Variants in NRXN3 observed in about 807,000 individuals in gnomAD.
The protein encoded by NRXN3 is neurexin 3, also known as neurexin III.
A neutral mutation model predicts 137.6 loss-of-function variants in NRXN3; 32 were observed. The ratio of observed to expected loss-of-function variants is 0.23; its 90% CI spans 0.18 to 0.31. The LOEUF (loss-of-function observed/expected upper bound fraction) is 0.31, where lower values mean the gene tolerates loss of function less well. Among genes scored for constraint, NRXN3 ranks in the 10% least tolerant of loss-of-function variants. The pLI, the probability that NRXN3 is intolerant of heterozygous loss-of-function variation, is 1.00. For missense variants in NRXN3, 1,574 were observed against 2,062.5 expected (o/e 0.76, Z 4.59); for synonymous variants, 798 against 784.5 (o/e 1.02, Z -0.29).
intron 19 of NRXN3, among the ~76,000 whole-genome samples, chr14:79,787,094 T>G (rs1254737241): frequency 1.3e-5 from 2 of 152,206 alleles, no homozygotes; most frequent in Non-Finnish European, 2.9e-5. Context: ...ATATTTGACT[T>G]ACTTTAAACC....
chr14:78,709,871 A>C (rs569360132), intron 7 of NRXN3: 7 of 556,054 alleles, frequency 1.3e-5, no homozygotes, highest in African/African-American at 5.7e-5. Flanking sequence ...TCACTGCGCA[A>C]TTGTCTCAGT....
chr14:78,605,217 G>C (rs933839277), intron 4 of NRXN3, among the ~76,000 whole-genome samples: 1 of 152,084 alleles, frequency 6.6e-6, no homozygotes, highest in African/African-American at 2.4e-5. Flanking sequence ...GCTGTATTTT[G>C]ATGAGACAAC....
intron 16 of NRXN3, among the ~76,000 whole-genome samples, chr14:79,532,191 A>G (rs1162113943): frequency 6.6e-6 from 1 of 152,202 alleles, no homozygotes; most frequent in Non-Finnish European, 1.5e-5. Context: ...CATTTATAGC[A>G]TATATGGAGC....
intron 19 of NRXN3, among the ~76,000 whole-genome samples, chr14:79,763,155 A>ATGAT (rs1333729459): frequency 6.6e-6 from 1 of 151,430 alleles, no homozygotes; most frequent in Non-Finnish European, 1.5e-5. Context: ...TTTGCTGAAA[A>ATGAT]TGATGGTTTC....
chr14:78,569,885 C>T (rs755387822), intron 4 of NRXN3, among the ~76,000 whole-genome samples: 31 of 152,340 alleles, frequency 2.0e-4, no homozygotes, highest in East Asian at 7.7e-4. Context: ...GCTGCGACTA[C>T]GGGCTTGCAC....
At chr14:78,984,662 T>C (rs994853589) in intron 14 of NRXN3, among the ~76,000 whole-genome samples, 32 of 152,308 alleles carry the variant, frequency 2.1e-4, no homozygotes, top group African/African-American at 7.7e-4. Flanking sequence ...GGAGGGCTTG[T>C]TACAACTCAG....
At chr14:78,753,389 T>A (rs746139941) in intron 8 of NRXN3, among the ~76,000 whole-genome samples, 5 of 152,182 alleles carry the variant, frequency 3.3e-5, no homozygotes, top group African/African-American at 1.2e-4. Context: ...ACTGCTCTGG[T>A]TTTTGGCTAT....
intron 8 of NRXN3, among the ~76,000 whole-genome samples, chr14:78,751,069 C>G (rs1163145431): frequency 6.6e-6 from 1 of 152,172 alleles, no homozygotes; most frequent in Non-Finnish European, 1.5e-5. Context: ...CTCTCTGAAG[C>G]CTCTTAGATA....
intron 19 of NRXN3, among the ~76,000 whole-genome samples, chr14:79,722,009 C>A (rs1300958992): frequency 6.6e-6 from 1 of 152,082 alleles, no homozygotes; most frequent in Non-Finnish European, 1.5e-5. Context: ...TCAGACATTA[C>A]AGATTTTATA....
chr14:79,240,282 A>G (rs2074064352), intron 15 of NRXN3, among the ~76,000 whole-genome samples: 1 of 152,052 alleles, frequency 6.6e-6, no homozygotes, highest in Non-Finnish European at 1.5e-5. Context: ...ATGCAAATGT[A>G]TTCCTTATAG....
intron 16 of NRXN3, among the ~76,000 whole-genome samples, chr14:79,572,516 A>G (rs1181835590): frequency 1.3e-5 from 2 of 152,194 alleles, no homozygotes; most frequent in Non-Finnish European, 2.9e-5. Flanking sequence ...GGTTCACAGC[A>G]TCGTGCTCTT....
intron 4 of NRXN3, among the ~76,000 whole-genome samples, chr14:78,450,397 T>G (rs2094523245): frequency 6.6e-6 from 1 of 152,188 alleles, no homozygotes; most frequent in Admixed American, 6.5e-5. Flanking sequence ...TGTTGCCACA[T>G]TGTGTTAAAT....
At chr14:79,260,495 C>T (rs2077434097) in intron 15 of NRXN3, among the ~76,000 whole-genome samples, 1 of 152,088 alleles carries the variant, frequency 6.6e-6, no homozygotes, top group Admixed American at 6.6e-5. Flanking sequence ...GATCCCTCAC[C>T]CCCATCCGCA....
intron 3 of NRXN3, among the ~76,000 whole-genome samples, chr14:78,295,198 C>T (rs1375326378): frequency 6.6e-6 from 1 of 152,146 alleles, no homozygotes. Context: ...CAAAATAAAA[C>T]AAACCGTATT....
intron 15 of NRXN3, among the ~76,000 whole-genome samples, chr14:79,334,228 T>A (rs1292906499): frequency 1.3e-5 from 2 of 152,020 alleles, no homozygotes; most frequent in African/African-American, 4.8e-5. Context: ...TCTTCAATGG[T>A]GCTATGAAAA....
intron 4 of NRXN3, among the ~76,000 whole-genome samples, chr14:78,415,442 C>T (rs1358101003): frequency 2.0e-5 from 3 of 152,052 alleles, no homozygotes; most frequent in South Asian, 4.1e-4. Flanking sequence ...CTGGGTAAGC[C>T]GTCCAGTTAG....
At chr14:78,300,204 C>T (rs1279588219) in intron 4 of NRXN3, among the ~76,000 whole-genome samples, 1 of 152,176 alleles carries the variant, frequency 6.6e-6, no homozygotes. Flanking sequence ...AACACCTATA[C>T]ATGTGTGTTA....
At position 79,481,734 on chromosome 14, in the gene NRXN3, G is replaced by A. The variant is rs905479559; in HGVS notation, c.3444+14332G>A. On this transcript the variant is annotated intron_variant, in intron 16 of 20. Transcript: ENST00000335750. ...AGAGCTGGCTAAATGGGAGACCAAA[G>A]TTTGATTATCACTCAAATCAGTCTC... 3.9e-5 allele frequency among the ~76,000 whole-genome samples: 6 copies of A among 152,220 alleles called. 1 individual carries two copies.
In NRXN3 at chr14:78,523,816, CAAAAAAAAAAAAA is replaced by C. The variant is rs56083130; in HGVS notation, c.758-121287_758-121275del. On this transcript the variant is annotated intron_variant, in intron 4 of 20. Transcript: ENST00000335750. ...TGGGTGACAGAGCAAGACTCTGTCT[CAAAAAAAAAAAAA>C]AAAAAAAAAAAAAAAAGAATACAAG... Among the ~76,000 whole-genome samples, 78 of 61,578 alleles carry C rather than the reference CAAAAAAAAAAAAA, an allele frequency of 1.3e-3. 1 individual carries two copies. Among genetic ancestry groups the C allele is most frequent in the Admixed American group, 2.1e-3 (12 of 5,754 alleles). The allele number at this position is 61,578 out of a possible 152,430, so 40.4% of individuals were successfully genotyped here. A position where few individuals can be genotyped will look rare whatever the true frequency, so the allele number is the denominator to read the frequency against.
Sources: allele counts gnomAD v4.1 joint callset (sites outside exome capture counted in the v4.1 genomes callset), GRCh38; gene constraint gnomAD v4.1.1; transcripts MANE v1.5; gene names NCBI Gene and HGNC (gene_info 2026-07-23, HGNC 2026-07-21).